Variants in HS3ST5 observed in about 807,000 individuals in gnomAD.
HS3ST5 encodes heparan sulfate glucosamine 3-O-sulfotransferase 5.
A neutral mutation model predicts 25.4 loss-of-function variants in HS3ST5; 10 were observed. The ratio of observed to expected loss-of-function variants is 0.39; its 90% CI spans 0.24 to 0.67. The LOEUF is 0.67. HS3ST5 is among the 30% of genes least tolerant of loss of function. HS3ST5 has a pLI of 0.44. For synonymous variants in HS3ST5, 170 were observed against 162.4 expected (o/e 1.05, Z -0.36); for missense variants, 324 against 420.7 (o/e 0.77, Z 2.01).
intron 1 of HS3ST5, among the ~76,000 whole-genome samples, chr6:114,259,857 T>A (rs1182410006): frequency 6.6e-6 from 1 of 152,200 alleles, no homozygotes; most frequent in Non-Finnish European, 1.5e-5. Flanking sequence ...GCTAATATTA[T>A]AACTAACCAA....
chr6:114,135,816 C>T (rs1777569639), intron 3 of HS3ST5, among the ~76,000 whole-genome samples: 1 of 152,212 alleles, frequency 6.6e-6, no homozygotes, highest in Admixed American at 6.5e-5. Flanking sequence ...ACTCACTCAC[C>T]TCCTTCAGGT....
At chr6:114,314,807 C>T (rs896940513) in intron 1 of HS3ST5, among the ~76,000 whole-genome samples, 2 of 152,278 alleles carry the variant, frequency 1.3e-5, no homozygotes, top group African/African-American at 2.4e-5. Flanking sequence ...AAGCTTACAA[C>T]TTCATTTTTT....
chr6:114,257,543 T>G (rs1772985239), intron 1 of HS3ST5, among the ~76,000 whole-genome samples: 1 of 152,172 alleles, frequency 6.6e-6, no homozygotes, highest in African/African-American at 2.4e-5. Flanking sequence ...CTACTCCTGT[T>G]AGATAACAGG....
intron 1 of HS3ST5, among the ~76,000 whole-genome samples, chr6:114,267,119 G>A (rs1773437390): frequency 6.6e-6 from 1 of 152,140 alleles, no homozygotes; most frequent in African/African-American, 2.4e-5. Context: ...TGGACTATCA[G>A]GAGGTATGGG....
intron 3 of HS3ST5, among the ~76,000 whole-genome samples, chr6:114,141,628 C>G (rs1777902698): frequency 6.6e-6 from 1 of 152,130 alleles, no homozygotes. Context: ...GCCTGAGTCA[C>G]CCAAGTATGA....
chr6:114,059,811 T>C (rs1479976108), intron 4 of HS3ST5: 1 of 152,280 alleles, frequency 6.6e-6, no homozygotes, highest in Non-Finnish European at 1.5e-5. Flanking sequence ...TATGTCTTTA[T>C]AGCACTGTGA....
At chr6:114,077,394 C>T (rs913464211) in intron 3 of HS3ST5, among the ~76,000 whole-genome samples, 1 of 152,204 alleles carries the variant, frequency 6.6e-6, no homozygotes, top group East Asian at 1.9e-4. Flanking sequence ...TGTTTATCCA[C>T]TCTTCCCCCA....
intron 1 of HS3ST5, among the ~76,000 whole-genome samples, chr6:114,264,578 C>T (rs1446143790): frequency 1.3e-5 from 2 of 152,152 alleles, no homozygotes; most frequent in East Asian, 3.9e-4. Flanking sequence ...TTTTCCTGCT[C>T]TCTCAGTTTC....
At chr6:114,164,610 G>A (rs114275119) in intron 3 of HS3ST5, among the ~76,000 whole-genome samples, 15 of 152,228 alleles carry the variant, frequency 9.9e-5, no homozygotes, top group South Asian at 2.1e-4. Flanking sequence ...CTAAAATACC[G>A]TCTAAAGTAT....
intron 1 of HS3ST5, among the ~76,000 whole-genome samples, chr6:114,338,569 T>C (rs980926329): frequency 6.6e-6 from 1 of 151,990 alleles, no homozygotes; most frequent in Admixed American, 6.5e-5. Context: ...ATTTATCCTA[T>C]CTACATTATA....
chr6:114,112,799 C>A (rs917111636), intron 3 of HS3ST5, among the ~76,000 whole-genome samples: 2 of 152,126 alleles, frequency 1.3e-5, no homozygotes, highest in African/African-American at 2.4e-5. Flanking sequence ...TTAGCTTATG[C>A]TTCTTACTTT....
chr6:114,317,802 C>CGGGGGGGGG (rs35127490), intron 1 of HS3ST5, among the ~76,000 whole-genome samples: 3 of 68,570 alleles, frequency 4.4e-5, no homozygotes, highest in African/African-American at 6.4e-5. Context: ...AGGCGGGGGG[C>CGGGGGGGGG]GGGGGGGTAG....
intron 1 of HS3ST5, chr6:114,238,864 G>A (rs1771976640): frequency 6.6e-6 from 1 of 152,172 alleles, no homozygotes; most frequent in Non-Finnish European, 1.5e-5. Context: ...TGCTCTGCCA[G>A]TGCTCCTCTG....
At chr6:114,278,990 C>T (rs1773986221) in intron 1 of HS3ST5, among the ~76,000 whole-genome samples, 1 of 151,998 alleles carries the variant, frequency 6.6e-6, no homozygotes, top group South Asian at 2.1e-4. Flanking sequence ...TACTTTACTG[C>T]ATCAATTCCA....
intron 3 of HS3ST5, among the ~76,000 whole-genome samples, chr6:114,115,518 T>C (rs13206202): frequency 6.6e-6 from 1 of 152,030 alleles, no homozygotes; most frequent in African/African-American, 2.4e-5. Flanking sequence ...TAACCTCTTA[T>C]GGAAGGGGAA....
At chr6:114,199,675 T>G (rs928984192) in intron 2 of HS3ST5, among the ~76,000 whole-genome samples, 1 of 152,182 alleles carries the variant, frequency 6.6e-6, no homozygotes, top group African/African-American at 2.4e-5. Flanking sequence ...CTTTAGAAAA[T>G]TTACCATTGT....
intron 1 of HS3ST5, among the ~76,000 whole-genome samples, chr6:114,319,745 G>A (rs957152125): frequency 6.6e-6 from 1 of 152,040 alleles, no homozygotes; most frequent in Non-Finnish European, 1.5e-5. Flanking sequence ...TGTCCTTACA[G>A]AAGGACATTT....
At chr6:114,307,721 T>A (rs907147273) in intron 1 of HS3ST5, among the ~76,000 whole-genome samples, 74 of 152,210 alleles carry the variant, frequency 4.9e-4, no homozygotes, top group Middle Eastern at 3.4e-3. Flanking sequence ...TTTCCTTTAA[T>A]AGATAATAAA....
intron 2 of HS3ST5, among the ~76,000 whole-genome samples, chr6:114,194,799 T>C (rs1466794701): frequency 3.3e-5 from 5 of 152,174 alleles, no homozygotes; most frequent in Non-Finnish European, 7.3e-5. Flanking sequence ...TATTTATGAC[T>C]CCTCCTATAG....
Sources: gnomAD v4.1 joint callset for allele counts (sites outside exome capture counted in the v4.1 genomes callset) on GRCh38, gnomAD v4.1.1 for gene constraint, MANE v1.5 for transcripts, NCBI Gene and HGNC (gene_info 2026-07-23, HGNC 2026-07-21) for gene names.